The following TOGARAM2 variants were observed in gnomAD, a reference collection of about 807,000 sequenced individuals.
TOGARAM2 encodes the protein TOG array regulator of axonemal microtubules 2.
A neutral mutation model predicts 93.3 loss-of-function variants in TOGARAM2; 85 were observed. The ratio of observed to expected loss-of-function variants is 0.91; its 90% CI spans 0.76 to 1.09. The LOEUF (loss-of-function observed/expected upper bound fraction) is 1.09. TOGARAM2 is among the 50% of genes least tolerant of loss of function. The pLI, the probability that TOGARAM2 is intolerant of heterozygous loss-of-function variation, is 0.00. For missense variants in TOGARAM2, 1,277 were observed against 1,334.5 expected, an observed-to-expected ratio of 0.96 and a Z score of 0.67; for synonymous variants, 593 against 552.8, an observed-to-expected ratio of 1.07 and a Z score of -1.02.
intron 1 of TOGARAM2, among the ~76,000 whole-genome samples, chr2:28,991,068 A>T (rs1164377491): frequency 1.3e-5 from 2 of 151,070 alleles, no homozygotes; most frequent in Non-Finnish European, 2.9e-5. Context: ...AAGAAGGAAG[A>T]TTCACACCTG....
At chr2:28,971,956 T>C (rs1176651594) in intron 1 of TOGARAM2, among the ~76,000 whole-genome samples, 1 of 152,200 alleles carries the variant, frequency 6.6e-6, no homozygotes, top group Non-Finnish European at 1.5e-5. Context: ...AACCAACAGG[T>C]CTATATGGTC....
At chr2:28,994,645 C>T (rs985760256) in intron 1 of TOGARAM2, 80 bp from the exon 2 acceptor site, 1 of 537,210 alleles carries the variant, frequency 1.9e-6, no homozygotes, top group Non-Finnish European at 3.4e-6. Flanking sequence ...AATGCTTTAG[C>T]CCCTGAAGGG....
intron 6 of TOGARAM2, among the ~76,000 whole-genome samples, chr2:29,010,356 C>G (rs1664165338): frequency 6.6e-6 from 1 of 152,132 alleles, no homozygotes; most frequent in South Asian, 2.1e-4. Context: ...TATCTCCAGC[C>G]CACACGATCC....
rs996182016 is a variant in TOGARAM2 at position 29,024,434 on chromosome 2, A to T, written c.1853+60A>T. The T allele has an allele frequency of 1.2e-5, 12 of 1,018,328 alleles. 1 individual carries two copies. The South Asian group carries it at 1.6e-4, about 14-fold the overall frequency. The allele number at this position is 1,018,328 out of a possible 1,614,324, so 63.1% of individuals were successfully genotyped here. ...GTCAGGGAAGGTAAGGCAAGGGGAG[A>T]GGCCCTGGGATGTGAAAGAAGGAGG... On this transcript the variant is annotated intron_variant, in intron 13 of 19. Transcript: ENST00000379558.
At chr2:29,031,909 A>T (rs1665785864) in intron 14 of TOGARAM2, among the ~76,000 whole-genome samples, 3 of 152,228 alleles carry the variant, frequency 2.0e-5, no homozygotes, top group Admixed American at 1.3e-4. Context: ...TTAAGATTTT[A>T]GATGCTTCCT....
intron 1 of TOGARAM2, among the ~76,000 whole-genome samples, chr2:28,971,347 G>A (rs1287500169): frequency 3.3e-5 from 5 of 152,018 alleles, no homozygotes; most frequent in Non-Finnish European, 7.4e-5. Flanking sequence ...GAGTAGCTGG[G>A]TCTACAGGTG....
chr2:28,978,494 G>C (rs1345156346), upstream of TOGARAM2, among the ~76,000 whole-genome samples: 1 of 152,084 alleles, frequency 6.6e-6, no homozygotes, highest in Non-Finnish European at 1.5e-5. Flanking sequence ...AATCAACAAG[G>C]GCCAAGAGGA....
intron 10 of TOGARAM2, among the ~76,000 whole-genome samples, chr2:29,019,500 G>A (rs2148340108): frequency 6.6e-6 from 1 of 152,174 alleles, no homozygotes; most frequent in South Asian, 2.1e-4. Context: ...GCAGAACTGA[G>A]ACCTAGTGAT....
chr2:28,973,807 G>C (rs1031918461), intron 1 of TOGARAM2, among the ~76,000 whole-genome samples: 5 of 152,060 alleles, frequency 3.3e-5, no homozygotes, highest in African/African-American at 1.2e-4. Context: ...AGGATTACAG[G>C]AATGAGCCAC....
chr2:29,032,427 C>T (rs1188209453), intron 14 of TOGARAM2, among the ~76,000 whole-genome samples: 2 of 152,208 alleles, frequency 1.3e-5, no homozygotes, highest in African/African-American at 4.8e-5. Context: ...CTCCTTGATT[C>T]CCTCACCTGC....
At chr2:28,969,812 C>CTTTTT (rs66931912) in intron 1 of TOGARAM2, among the ~76,000 whole-genome samples, 2 of 127,868 alleles carry the variant, frequency 1.6e-5, no homozygotes, top group African/African-American at 3.0e-5. Context: ...GGTTGTCTTC[C>CTTTTT]TTTTTTTTTT....
At chr2:28,982,203 G>A (rs912835547) in intron 1 of TOGARAM2, among the ~76,000 whole-genome samples, 1 of 152,214 alleles carries the variant, frequency 6.6e-6, no homozygotes, top group East Asian at 1.9e-4. Context: ...ACTGTTTGTT[G>A]TTGATGCTGT....
rs180788589 is a variant in TOGARAM2 at position 28,984,808 on chromosome 2, C to T, written c.-111+3270C>T. 1.5e-3 allele frequency among the ~76,000 whole-genome samples: 230 copies of T among 152,322 alleles called. 3 individuals are homozygous for T. Among genetic ancestry groups the T allele is most frequent in the African/African-American group, 5.3e-3 (219 of 41,568 alleles). On this transcript the variant is annotated intron_variant, in intron 1 of 19. Coordinates refer to ENST00000379558, the MANE Select transcript of TOGARAM2 (RefSeq NM_199280.4). Reference sequence around the variant, plus strand: ...AGGATTGATGCGGTGGTATCCTACCCCTCCCAAAACCTTAATCCTTGGGAG... The same window carrying T: ...AGGATTGATGCGGTGGTATCCTACCTCTCCCAAAACCTTAATCCTTGGGAG...
At chr2:28,967,511 A>G (rs1317496157) in intron 1 of TOGARAM2, among the ~76,000 whole-genome samples, 1 of 152,140 alleles carries the variant, frequency 6.6e-6, no homozygotes, top group Non-Finnish European at 1.5e-5. Flanking sequence ...AAAATCAAAC[A>G]GGCCACTCTG....
chr2:29,006,092 T>A (rs868100266), intron 6 of TOGARAM2, among the ~76,000 whole-genome samples: 40 of 70,300 alleles, frequency 5.7e-4, no homozygotes, highest in Middle Eastern at 0.024. Context: ...TGTGTGTGTG[T>A]GGGGTGCATG....
At chr2:28,975,410 G>T (rs907024799) in intron 1 of TOGARAM2, among the ~76,000 whole-genome samples, 6 of 151,932 alleles carry the variant, frequency 3.9e-5, no homozygotes, top group African/African-American at 1.5e-4. Flanking sequence ...GGATGGTCTC[G>T]ATCTCCTGAC....
rs747702515 is a variant in TOGARAM2 at position 28,994,849 on chromosome 2, C to T, written c.15C>T (p.Asp5=). 4.1e-5 allele frequency: 63 copies of T among 1,552,404 alleles called. No individual in the cohort carries two copies. The highest frequency in any genetic ancestry group is 2.0e-4 in the Admixed American group (10 of 51,126). Residue 5 remains aspartate, a synonymous_variant, in exon 2 of 20, where the codon GAC becomes GAT. Transcript: ENST00000379558. Reference sequence around the variant, plus strand: ...CCACCCAGGACATGGGCACCCGTGACGATGTCCCCGAAGGTAAGGGGCACC... The same window carrying T: ...CCACCCAGGACATGGGCACCCGTGATGATGTCCCCGAAGGTAAGGGGCACC... MGTR[D]DVPEAKVLVP...
intron 1 of TOGARAM2, among the ~76,000 whole-genome samples, chr2:28,993,179 C>G (rs1428903541): frequency 6.6e-6 from 1 of 152,046 alleles, no homozygotes; most frequent in Non-Finnish European, 1.5e-5. Flanking sequence ...TAATTGGTTT[C>G]CAGGCTATTG....
chr2:28,964,447 A>G (rs1284025685), intron 1 of TOGARAM2, among the ~76,000 whole-genome samples: 1 of 149,764 alleles, frequency 6.7e-6, no homozygotes, highest in Non-Finnish European at 1.5e-5. Flanking sequence ...TTTTCTTGTA[A>G]ATAGCACCTA....
Sources: allele counts gnomAD v4.1 joint callset (sites outside exome capture counted in the v4.1 genomes callset), GRCh38; gene constraint gnomAD v4.1.1; transcripts MANE v1.5; gene names NCBI Gene and HGNC (gene_info 2026-07-23, HGNC 2026-07-21).